Variants in ETNPPL observed in about 807,000 individuals in gnomAD.
The protein encoded by ETNPPL is alanine--glyoxylate aminotransferase 2-like 1.
Under a neutral mutation model 55.5 loss-of-function variants are expected in ETNPPL, and 30 were observed. That is an observed-to-expected ratio of 0.54 (90% CI 0.40 to 0.73). ETNPPL has a LOEUF of 0.73. Among genes scored for constraint, ETNPPL ranks in the 30% least tolerant of loss-of-function variants. The probability of loss-of-function intolerance (pLI) is 0.00; values close to 1 mark genes in which losing one functional copy is unlikely to be tolerated. For missense variants in ETNPPL, 528 were observed against 607.9 expected (o/e 0.87, Z 1.38); for synonymous variants, 202 against 207.2 (o/e 0.98, Z 0.21).
intron 11 of ETNPPL, among the ~76,000 whole-genome samples, chr4:108,745,930 C>CAAAAAAAAAAAAAAAAAA (rs5860940): frequency 1.4e-5 from 1 of 70,896 alleles, no homozygotes; most frequent in Non-Finnish European, 3.6e-5. Context: ...GACTCCATCT[C>CAAAAAAAAAAAAAAAAAA]AAAAAAAAAA....
rs982505894 is a variant in ETNPPL at position 108,762,698 on chromosome 4, G to A, written c.56+145C>T. On this transcript the variant is annotated intron_variant, in intron 1 of 12. Coordinates refer to ENST00000296486, the MANE Select transcript of ETNPPL (RefSeq NM_031279.4). ...AGTCCGCGCGGCCCCTGCAGGTGGAGGCGCGCGGGGCGCGTGCACAGGCGC... is the reference window on the plus strand; with the variant it reads ...AGTCCGCGCGGCCCCTGCAGGTGGAAGCGCGCGGGGCGCGTGCACAGGCGC... 10 of 1,030,168 alleles carry A rather than the reference G, an allele frequency of 9.7e-6. No individual in the cohort carries two copies. In the African/African-American group the frequency reaches 1.3e-4, roughly 13 times the overall value. The allele number at this position is 1,030,168 out of a possible 1,614,324, so 63.8% of individuals were successfully genotyped here. A position where few individuals can be genotyped will look rare whatever the true frequency, so the allele number is the denominator to read the frequency against.
intron 7 of ETNPPL, among the ~76,000 whole-genome samples, chr4:108,750,495 CGTGTGTGT>C (rs3062135): frequency 3.5e-4 from 49 of 141,572 alleles, no homozygotes; most frequent in Non-Finnish European, 5.3e-4. Flanking sequence ...TTAATACCGC[CGTGTGTGT>C]GTGTGTGTGT....
intron 5 of ETNPPL, among the ~76,000 whole-genome samples, chr4:108,753,589 A>G (rs1729016521): frequency 6.6e-6 from 1 of 152,100 alleles, no homozygotes; most frequent in Admixed American, 6.6e-5. Context: ...AAAAAATACA[A>G]AAATTAGCAG....
chr4:108,756,388 T>C, intron 4 of ETNPPL, 30 bp downstream of exon 4: 2 of 1,545,790 alleles, frequency 1.3e-6, no homozygotes, highest in East Asian at 2.2e-5. Context: ...AAGAAGCTTC[T>C]TGCTTAAAAA....
At position 108,760,320 on chromosome 4, in the gene ETNPPL, A is replaced by C; in HGVS notation, c.57-14T>G. ...TTGCATGAGGGCCTAGAAATAATCA[A>C]AGGAAACACTTTGGTCTGGTAGGAC... On this transcript the variant is annotated splice_polypyrimidine_tract_variant and intron_variant, in intron 1 of 12. Coordinates refer to ENST00000296486, the MANE Select transcript of ETNPPL (RefSeq NM_031279.4). 6.8e-7 allele frequency: 1 copy of C among 1,472,204 alleles called. No homozygotes were observed. The highest frequency in any genetic ancestry group is 1.2e-5 in the South Asian group (1 of 86,658). The allele number at this position is 1,472,204 out of a possible 1,614,324, so 91.2% of individuals were successfully genotyped here.
chr4:108,748,995 T>G (rs185916873), intron 8 of ETNPPL, among the ~76,000 whole-genome samples: 1 of 152,300 alleles, frequency 6.6e-6, no homozygotes, highest in Non-Finnish European at 1.5e-5. Flanking sequence ...CAAACCACCA[T>G]GGCACATGTA....
At chr4:108,762,669 T>A in intron 1 of ETNPPL, 174 bp downstream of exon 1, 1 of 782,020 alleles carries the variant, frequency 1.3e-6, no homozygotes, top group Non-Finnish European at 2.3e-6. Flanking sequence ...GGAGCGTTTC[T>A]GGGAGTCCGC....
At chr4:108,749,193 C>A in intron 8 of ETNPPL, 45 bp downstream of exon 8, 6 of 1,421,194 alleles carry the variant, frequency 4.2e-6, no homozygotes, top group Non-Finnish European at 5.0e-6. Flanking sequence ...TAAGAACATG[C>A]ATTATTTTTC....
chr4:108,758,080 C>T (rs2125681262), intron 3 of ETNPPL, among the ~76,000 whole-genome samples: 1 of 146,028 alleles, frequency 6.8e-6, no homozygotes, highest in East Asian at 2.1e-4. Flanking sequence ...TCTTGGCTCA[C>T]TGCAACCTGA....
chr4:108,754,528 T>C, intron 5 of ETNPPL, 92 bp downstream of exon 5: 1 of 740,898 alleles, frequency 1.3e-6, no homozygotes, highest in East Asian at 2.5e-5. Context: ...TAGTTTCTCT[T>C]TCATGGTTCA....
chr4:108,743,909 A>G, intron 11 of ETNPPL, 53 bp from the exon 12 acceptor site: 1 of 1,282,510 alleles, frequency 7.8e-7, no homozygotes, highest in Non-Finnish European at 1.1e-6. Flanking sequence ...AAACCTTAAG[A>G]AAAAAACTTT....
Position 108,762,882 on chromosome 4 carries a change from C to T in ETNPPL, c.17G>A (p.Ser6Asn). Residue 6 changes from serine (S) to asparagine (N), a missense_variant, in exon 1 of 13, where the codon AGT becomes AAT. Physicochemically the swap from Ser to Asn is conservative, Grantham distance 46. Transcript: ENST00000296486. ...CCTCAGCCCCAGAGTGTCCCGCTTA[C>T]TGTACAGCTCGCACATGGTGGCGGG... MCELY[S>N]KRDTLGLRKK... 6.2e-7 allele frequency: 1 copy of T among 1,614,112 alleles called. No homozygotes were observed. The highest frequency in any genetic ancestry group is 2.2e-5 in the East Asian group (1 of 44,878).
At chr4:108,754,828 C>A in intron 4 of ETNPPL, 118 bp from the exon 5 acceptor site, 1 of 677,268 alleles carries the variant, frequency 1.5e-6, no homozygotes, top group South Asian at 1.7e-5. Flanking sequence ...AGAATCTCAA[C>A]ACTGGTGCCA....
chr4:108,756,699 GC>G (rs143319836), intron 3 of ETNPPL, among the ~76,000 whole-genome samples: 12,324 of 152,078 alleles, frequency 0.081, 1,116 homozygotes, highest in African/African-American at 0.22. Context: ...AGCAGCGTGC[GC>G]CTATAGTCTC....
At chr4:108,745,870 G>A (rs1048829151) in intron 11 of ETNPPL, among the ~76,000 whole-genome samples, 1 of 143,064 alleles carries the variant, frequency 7.0e-6, no homozygotes, top group Non-Finnish European at 1.5e-5. Flanking sequence ...GGCGGAGGCT[G>A]CAGTGAGCCG....
chr4:108,749,226 AC>A lies in ETNPPL; in HGVS notation c.927+11del. 6.3e-7 allele frequency: 1 copy of A among 1,591,592 alleles called. No homozygotes were observed. The highest frequency in any genetic ancestry group is 8.6e-7 in the Non-Finnish European group (1 of 1,161,442). ...TTCCTTCTTAGCATTAAAGTTGGAGACCAAAATGTACCGTATTAAAATATTC... is the reference window on the plus strand; with the variant it reads ...TTCCTTCTTAGCATTAAAGTTGGAGACAAAATGTACCGTATTAAAATATTC... On this transcript the variant is annotated intron_variant, in intron 8 of 12. Coordinates refer to ENST00000296486, the MANE Select transcript of ETNPPL (RefSeq NM_031279.4).
At chr4:108,757,657 G>T (rs2125680884) in intron 3 of ETNPPL, among the ~76,000 whole-genome samples, 1 of 152,196 alleles carries the variant, frequency 6.6e-6, no homozygotes, top group African/African-American at 2.4e-5. Flanking sequence ...TATTAGTCTT[G>T]GCTGGGTGCG....
chr4:108,746,579 T>A (rs1418715126), intron 10 of ETNPPL, 50 bp from the exon 11 acceptor site: 2 of 1,588,794 alleles, frequency 1.3e-6, no homozygotes, highest in South Asian at 2.3e-5. Flanking sequence ...ATAACTACGA[T>A]TACTGAAGAA....
At chr4:108,743,925 A>G (rs1728339180) in intron 11 of ETNPPL, 69 bp from the exon 12 acceptor site, 6 of 951,150 alleles carry the variant, frequency 6.3e-6, no homozygotes, top group Admixed American at 6.1e-5. Context: ...ACTTTTTGGT[A>G]TCTTAGCAAT....
Sources: gnomAD v4.1 joint callset for allele counts (sites outside exome capture counted in the v4.1 genomes callset) on GRCh38, gnomAD v4.1.1 for gene constraint, MANE v1.5 for transcripts, NCBI Gene and HGNC (gene_info 2026-07-23, HGNC 2026-07-21) for gene names.